PCDH11X: variants seen among roughly 807,000 people sequenced by gnomAD.
PCDH11X encodes the protein protocadherin 11 X-linked.
A neutral mutation model predicts 53.3 loss-of-function variants in PCDH11X; 18 were observed. That is an observed-to-expected ratio of 0.34 (90% CI 0.23 to 0.50). The LOEUF is 0.50. PCDH11X is among the 20% of genes least tolerant of loss of function. PCDH11X has a pLI of 0.98. For synonymous variants in PCDH11X, 279 were observed against 393.3 expected (o/e 0.71, Z 3.44); for missense variants, 570 against 1,032.4 (o/e 0.55, Z 6.14).
chrX:92,374,008 G>T (rs1465609191), intron 8 of PCDH11X, among the ~76,000 whole-genome samples: 1 of 109,497 alleles, frequency 9.1e-6, no homozygotes, highest in Non-Finnish European at 1.9e-5. Context: ...TTACTTGCTT[G>T]TAGATGTTGC....
chrX:92,214,074 G>T lies in PCDH11X; in HGVS notation c.3114+12619G>T, dbSNP rs1025547223. 2.7e-5 allele frequency among the ~76,000 whole-genome samples: 3 copies of T among 111,506 alleles called. No homozygotes were observed. The Admixed American group carries it at 2.9e-4, about 11-fold the overall frequency. ...TTGTTGATAACACTGAAACCAAGCT[G>T]CTAAAAGCTCATCACTTGGCTTATC... On this transcript the variant is annotated intron_variant, in intron 7 of 10. Transcript: ENST00000682573.
chrX:92,333,441 T>C (rs2069540631), intron 8 of PCDH11X, among the ~76,000 whole-genome samples: 1 of 111,764 alleles, frequency 8.9e-6, no homozygotes, highest in Non-Finnish European at 1.9e-5. Context: ...AAATAACTAA[T>C]GTTTTATCAA....
intron 6 of PCDH11X, among the ~76,000 whole-genome samples, chrX:91,958,753 G>A (rs1410720150): frequency 8.1e-5 from 9 of 110,641 alleles, no homozygotes; most frequent in Non-Finnish European, 1.1e-4. Flanking sequence ...CGTGAATACC[G>A]TGGACCACAG....
At chrX:92,139,278 T>TTC (rs199833412) in intron 6 of PCDH11X, among the ~76,000 whole-genome samples, 3,102 of 96,348 alleles carry the variant, frequency 0.032, 159 homozygotes, top group African/African-American at 0.12. Flanking sequence ...TTCTTTTTTT[T>TTC]TTTTTTTTTT....
At chrX:92,264,749 A>G (rs376819744) in intron 8 of PCDH11X, among the ~76,000 whole-genome samples, 2 of 111,043 alleles carry the variant, frequency 1.8e-5, no homozygotes, top group South Asian at 7.6e-4. Flanking sequence ...GCTCCTGCAT[A>G]TAGAACTCTG....
chrX:92,320,205 G>A (rs916000563), intron 8 of PCDH11X, among the ~76,000 whole-genome samples: 10 of 111,307 alleles, frequency 9.0e-5, no homozygotes, highest in East Asian at 5.7e-4. Flanking sequence ...TGTGGCAATC[G>A]GCTAGTGAGA....
At position 92,417,359 on chromosome X, in the gene PCDH11X, G is replaced by T. The variant is rs758343296; in HGVS notation, c.3343+29426G>T. Among the ~76,000 whole-genome samples, 200 of 108,753 alleles carry T rather than the reference G, an allele frequency of 1.8e-3. 1 individual carries two copies. Among genetic ancestry groups the T allele is most frequent in the Middle Eastern group, 0.014 (3 of 211 alleles). 94.4% of individuals were successfully genotyped at this position (108,753 alleles called of 115,157 possible). On this transcript the variant is annotated intron_variant, in intron 9 of 10. Transcript: ENST00000682573. ...TGCTAAATCAGTACTATTTTTTTTT[G>T]ATTTCTGTTTTTTATAAACACAGTC...
chrX:91,824,775 TC>T (rs1936843608), intron 4 of PCDH11X, among the ~76,000 whole-genome samples: 1 of 109,124 alleles, frequency 9.2e-6, no homozygotes, highest in Admixed American at 9.7e-5. Context: ...TTCCAGTTTT[TC>T]TGTTCTGTTT....
chrX:92,376,723 A>T (rs774733733), intron 8 of PCDH11X, among the ~76,000 whole-genome samples: 7 of 111,601 alleles, frequency 6.3e-5, no homozygotes, highest in African/African-American at 1.9e-4. Context: ...TCCTCTTTTC[A>T]GTATCACTTT....
intron 8 of PCDH11X, among the ~76,000 whole-genome samples, chrX:92,341,129 A>G (rs773872054): frequency 8.9e-5 from 10 of 111,899 alleles, no homozygotes; most frequent in Non-Finnish European, 1.5e-4. Context: ...TTGCTAAGAC[A>G]TAACAAAAGT....
At chrX:92,417,378 C>A (rs968888088) in intron 9 of PCDH11X, among the ~76,000 whole-genome samples, 4 of 109,310 alleles carry the variant, frequency 3.7e-5, no homozygotes, top group Non-Finnish European at 7.6e-5. Flanking sequence ...TTTTTATAAA[C>A]ACAGTCAGTA....
intron 10 of PCDH11X, among the ~76,000 whole-genome samples, chrX:92,616,694 T>G (rs1928005709): frequency 9.2e-6 from 1 of 108,928 alleles, no homozygotes; most frequent in African/African-American, 3.3e-5. Flanking sequence ...TAATCAAAAT[T>G]GGTTGGCTAA....
Position 91,876,817 on chromosome X carries a change from C to G in PCDH11X, c.577C>G (p.Pro193Ala), listed in dbSNP as rs1939641127. 2 of 1,209,643 alleles carry G rather than the reference C, an allele frequency of 1.7e-6. No homozygotes were observed. The highest frequency in any genetic ancestry group is 2.3e-4 in the Middle Eastern group (1 of 4,345). The change falls in exon 6 of 11, where the codon CCA (proline) becomes GCA (alanine). Residue 193 changes from proline to alanine, a missense_variant. Pro to Ala is a conservative substitution (Grantham distance 27, BLOSUM62 -1). Transcript: ENST00000682573. ...TTTTGGCCTCGATGTCATTGAAACA[C>G]CAGAAGGAGACAAGATGCCACAACT... ...NIFGLDVIET[P>A]EGDKMPQLIV...
At chrX:91,945,853 T>C (rs2061566525) in intron 6 of PCDH11X, among the ~76,000 whole-genome samples, 1 of 110,678 alleles carries the variant, frequency 9.0e-6, no homozygotes, top group South Asian at 3.8e-4. Context: ...TTCTATACCC[T>C]ACTTCTCAGC....
chrX:92,416,498 A>G (rs2071813884), intron 9 of PCDH11X, among the ~76,000 whole-genome samples: 1 of 109,606 alleles, frequency 9.1e-6, no homozygotes, highest in Non-Finnish European at 1.9e-5. Flanking sequence ...AAAATTCTAC[A>G]TATCCAATTC....
rs776130221 is a variant in PCDH11X, at chrX:91,825,450, C to T, written c.-44-10011C>T. On this transcript the variant is annotated intron_variant, in intron 4 of 10. Transcript: ENST00000682573. ...TTGACCCGATTTTCCAGGTGCCGTC[C>T]GTCACCCCTTTCTTTGATTAGGAAA... 2.6e-3 allele frequency among the ~76,000 whole-genome samples: 287 copies of T among 111,631 alleles called. 1 individual carries two copies. Among genetic ancestry groups the T allele is most frequent in the African/African-American group, 8.8e-3 (269 of 30,737 alleles).
At chrX:92,082,666 T>C (rs2063880365) in intron 6 of PCDH11X, among the ~76,000 whole-genome samples, 1 of 109,776 alleles carries the variant, frequency 9.1e-6, no homozygotes. Context: ...TACAAAAATA[T>C]GTATTCTTAT....
intron 6 of PCDH11X, among the ~76,000 whole-genome samples, chrX:92,112,635 T>C (rs2064544296): frequency 9.1e-6 from 1 of 109,876 alleles, no homozygotes; most frequent in Non-Finnish European, 1.9e-5. Context: ...TCACTTATCT[T>C]TTATTCCACC....
At chrX:92,278,187 G>A (rs1036799719) in intron 8 of PCDH11X, among the ~76,000 whole-genome samples, 136 of 111,422 alleles carry the variant, frequency 1.2e-3, no homozygotes, top group Non-Finnish European at 2.3e-3. Flanking sequence ...AGTGAGGGAG[G>A]TTGGAGAAGA....
Sources: gnomAD v4.1 joint callset for allele counts (sites outside exome capture counted in the v4.1 genomes callset) on GRCh38, gnomAD v4.1.1 for gene constraint, MANE v1.5 for transcripts, NCBI Gene and HGNC (gene_info 2026-07-23, HGNC 2026-07-21) for gene names.